MYO16: variants seen among roughly 807,000 people sequenced by gnomAD.
The protein encoded by MYO16 is unconventional myosin-XVI.
A neutral mutation model predicts 205.3 loss-of-function variants in MYO16; 94 were observed. The ratio of observed to expected loss-of-function variants is 0.46; its 90% CI spans 0.39 to 0.54. The LOEUF (loss-of-function observed/expected upper bound fraction) is 0.54. Among genes scored for constraint, MYO16 ranks in the 20% least tolerant of loss-of-function variants. The pLI is 0.00. For synonymous variants in MYO16, 988 were observed against 954.0 expected, an observed-to-expected ratio of 1.04 and a Z score of -0.66; for missense variants, 2,315 against 2,387.5, an observed-to-expected ratio of 0.97 and a Z score of 0.63.
rs561894401 is a variant in MYO16 at position 109,162,987 on chromosome 13, A to G, written c.5165-1914A>G. ...TTCACTTTTGTTGCCATTCTTGTAC[A>G]TGCTAACTTGACTGAAGGTCTTTGT... is the stretch of plus-strand genomic sequence containing the variant. On this transcript the variant is annotated intron_variant, in intron 32 of 34. Coordinates refer to ENST00000457511, the MANE Select transcript of MYO16 (RefSeq NM_001198950.3). This position sits in a 1 kb window ranked among gnomAD's most constrained non-coding sequence, Gnocchi z 4.6. Among the ~76,000 whole-genome samples, 49 of 152,360 alleles carry G rather than the reference A, an allele frequency of 3.2e-4. No homozygotes were observed. The highest frequency in any genetic ancestry group is 7.8e-4 in the Admixed American group (12 of 15,306).
chr13:108,639,365 C>T (rs561611380), intron 1 of MYO16, among the ~76,000 whole-genome samples: 103 of 152,138 alleles, frequency 6.8e-4, no homozygotes, highest in Non-Finnish European at 1.2e-3. Flanking sequence ...GCATATCCTA[C>T]GTAGGGTAAT....
intron 27 of MYO16, among the ~76,000 whole-genome samples, chr13:109,088,915 C>T (rs954033561): frequency 1.3e-5 from 2 of 152,214 alleles, no homozygotes; most frequent in African/African-American, 4.8e-5. Flanking sequence ...AGGCCCGCTC[C>T]TTTCCCTTCC....
chr13:108,508,965 T>G, the MYO16 span, among the ~76,000 whole-genome samples: 1 of 152,230 alleles, frequency 6.6e-6, no homozygotes, highest in African/African-American at 2.4e-5. Flanking sequence ...TCCTGGATTT[T>G]CCAGAGGACA....
rs1256816802 is a variant in MYO16, at chr13:108,793,511, C to T, written c.617-5C>T. The T allele has an allele frequency of 5.6e-6, 9 of 1,613,124 alleles. No homozygotes were observed. The highest frequency in any genetic ancestry group is 2.7e-5 in the African/African-American group (2 of 74,908). The stretch of plus-strand genomic sequence containing the variant: ...TTCTGGTTGAAAGGCTCTTTCTCCC[C>T]ACAGGAGTGGATTTGACCTCACTGC... On this transcript the variant is annotated splice_polypyrimidine_tract_variant and splice_region_variant and intron_variant, in intron 5 of 34. Coordinates refer to ENST00000457511, the MANE Select transcript of MYO16 (RefSeq NM_001198950.3).
At chr13:108,973,042 G>T (rs965292666) in intron 20 of MYO16, among the ~76,000 whole-genome samples, 4 of 152,012 alleles carry the variant, frequency 2.6e-5, no homozygotes, top group African/African-American at 4.8e-5. Flanking sequence ...CTGGGAGCAG[G>T]TGGGAGAATG....
At chr13:109,018,941 C>T (rs1184207601) in intron 22 of MYO16, among the ~76,000 whole-genome samples, 5 of 150,872 alleles carry the variant, frequency 3.3e-5, no homozygotes, top group Admixed American at 6.6e-5. Context: ...TGTTCCTATT[C>T]GGCCATCTTG....
chr13:108,726,746 T>G (rs879733483), intron 3 of MYO16, among the ~76,000 whole-genome samples: 2 of 152,134 alleles, frequency 1.3e-5, no homozygotes, highest in Non-Finnish European at 2.9e-5. Flanking sequence ...ATGCCAGCCC[T>G]GACTTATATA....
intron 1 of MYO16, among the ~76,000 whole-genome samples, chr13:108,635,865 T>C (rs1880203560): frequency 6.6e-6 from 1 of 152,188 alleles, no homozygotes; most frequent in African/African-American, 2.4e-5. Flanking sequence ...TTTTACTAAT[T>C]GTGTAGAAAA....
At chr13:109,009,229 G>A (rs1194327725) in intron 22 of MYO16, among the ~76,000 whole-genome samples, 180 bp downstream of exon 22, 2 of 152,156 alleles carry the variant, frequency 1.3e-5, no homozygotes, top group South Asian at 2.1e-4. Context: ...ACATTTGAAG[G>A]ATCACCAATT....
intron 33 of MYO16, chr13:109,166,688 G>A (rs1253646165): frequency 6.6e-6 from 1 of 152,204 alleles, no homozygotes; most frequent in Non-Finnish European, 1.5e-5. Flanking sequence ...CAAGAGAAAT[G>A]ACAGCAGTGT....
chr13:109,138,765 A>G (rs1431331324), intron 31 of MYO16, among the ~76,000 whole-genome samples: 5 of 151,870 alleles, frequency 3.3e-5, no homozygotes, highest in Admixed American at 1.3e-4. Context: ...CATCCACACA[A>G]GTGTTTTTGT....
chr13:108,600,472 A>G (rs1878723079), intron 1 of MYO16, among the ~76,000 whole-genome samples: 1 of 152,192 alleles, frequency 6.6e-6, no homozygotes, highest in Non-Finnish European at 1.5e-5. Context: ...TTGTATTATT[A>G]ACGCTGCTAC....
At chr13:109,096,454 G>A (rs542079198) in intron 27 of MYO16, among the ~76,000 whole-genome samples, 10 of 152,236 alleles carry the variant, frequency 6.6e-5, no homozygotes, top group South Asian at 2.1e-4. Context: ...TATCTTTGGC[G>A]GGGGGACACA....
chr13:108,568,723 T>TATTA, the MYO16 span, among the ~76,000 whole-genome samples: 1 of 151,388 alleles, frequency 6.6e-6, no homozygotes, highest in African/African-American at 2.4e-5. Context: ...TTATTATTAT[T>TATTA]TTTTGCTACT....
chr13:108,556,635 GAC>G, the MYO16 span, among the ~76,000 whole-genome samples: 162 of 152,120 alleles, frequency 1.1e-3, no homozygotes, highest in African/African-American at 3.6e-3. Context: ...ATTTTAATTT[GAC>G]ACAATCCCAT....
At chr13:108,531,362 A>G in the MYO16 span, among the ~76,000 whole-genome samples, 392 of 152,318 alleles carry the variant, frequency 2.6e-3, 6 homozygotes, top group South Asian at 0.026. Flanking sequence ...ACAGTGTGCA[A>G]TGAAGATGGT....
intron 4 of MYO16, among the ~76,000 whole-genome samples, chr13:108,750,616 G>GAAAAAAAAAAAAAAGAAAAAAAAAA (rs1885202683): frequency 7.7e-6 from 1 of 129,726 alleles, no homozygotes; most frequent in Non-Finnish European, 1.6e-5. Flanking sequence ...TAAAACTACA[G>GAAAAAAAAAAAAAAGAAAAAAAAAA]AAAAAAAAAA....
intron 3 of MYO16, among the ~76,000 whole-genome samples, chr13:108,726,133 A>G (rs1884328055): frequency 6.6e-6 from 1 of 152,192 alleles, no homozygotes; most frequent in African/African-American, 2.4e-5. Context: ...AATCTGTTCT[A>G]TGCATACACA....
intron 1 of MYO16, among the ~76,000 whole-genome samples, chr13:108,614,148 A>C (rs1198876413): frequency 1.3e-5 from 2 of 152,144 alleles, no homozygotes; most frequent in Non-Finnish European, 2.9e-5. Context: ...CAATATCCAC[A>C]AACAAAAATC....
Sources: gnomAD v4.1 joint callset for allele counts (sites outside exome capture counted in the v4.1 genomes callset) on GRCh38, gnomAD v4.1.1 for gene constraint, Gnocchi (gnomAD v3.1) non-coding constraint, MANE v1.5 for transcripts, NCBI Gene and HGNC (gene_info 2026-07-23, HGNC 2026-07-21) for gene names.